SNTG1: variants seen among roughly 807,000 people sequenced by gnomAD.
SNTG1 encodes syntrophin gamma 1.
A neutral mutation model predicts 74.7 loss-of-function variants in SNTG1; 39 were observed. The ratio of observed to expected loss-of-function variants is 0.52; its 90% confidence interval spans 0.40 to 0.68. The LOEUF is 0.68. SNTG1 is among the 30% of genes least tolerant of loss of function. The pLI, the probability that SNTG1 is intolerant of heterozygous loss-of-function variation, is 0.00. For synonymous variants in SNTG1, 254 were observed against 217.1 expected, an observed-to-expected ratio of 1.17 and a Z score of -1.49; for missense variants, 685 against 609.5, an observed-to-expected ratio of 1.12 and a Z score of -1.30.
Position 50,748,305 on chromosome 8 carries a change from A to G in SNTG1, c.1285-3696A>G, listed in dbSNP as rs181544423. On this transcript the variant is annotated intron_variant, in intron 17 of 18. Transcript: ENST00000642720. Reference sequence around the variant, plus strand: ...CATTTTCTCAGTGTCAGTGTGAGATAATCTTGGAGAACAGGCATTTTACCA... The same window carrying G: ...CATTTTCTCAGTGTCAGTGTGAGATGATCTTGGAGAACAGGCATTTTACCA... Among the ~76,000 whole-genome samples the G allele has an allele frequency of 9.0e-4, 137 of 152,144 alleles. 2 individuals are homozygous for G. Among genetic ancestry groups the G allele is most frequent in the Middle Eastern group, 6.8e-3 (2 of 294 alleles).
At chr8:49,943,941 A>G (rs1048876600) in intron 1 of SNTG1, among the ~76,000 whole-genome samples, 2 of 152,240 alleles carry the variant, frequency 1.3e-5, no homozygotes, top group African/African-American at 2.4e-5. Flanking sequence ...ATATTAAAGC[A>G]GGAAAATTTA....
intron 2 of SNTG1, among the ~76,000 whole-genome samples, chr8:50,298,818 G>A (rs528328483): frequency 6.6e-6 from 1 of 152,184 alleles, no homozygotes; most frequent in South Asian, 2.1e-4. Flanking sequence ...TCAGGCTAGG[G>A]TTTCTAGCAT....
At position 50,252,472 on chromosome 8, in the gene SNTG1, A is replaced by AG. The variant is rs531168053; in HGVS notation, c.-28+79838dup. 6.4e-3 allele frequency among the ~76,000 whole-genome samples: 977 copies of AG among 152,312 alleles called. 10 individuals are homozygous for AG. Among genetic ancestry groups the AG allele is most frequent in the Middle Eastern group, 0.01 (3 of 294 alleles). ...AACAAACTCTTGGTTAGATTAACTGAGAAAAAAAGAGAAAAAACCCAAATA... is the reference window on the plus strand; with the variant it reads ...AACAAACTCTTGGTTAGATTAACTGAGGAAAAAAAGAGAAAAAACCCAAATA... On this transcript the variant is annotated intron_variant, in intron 2 of 18. Coordinates refer to ENST00000642720, the MANE Select transcript of SNTG1 (RefSeq NM_018967.5).
chr8:50,499,072 T>C (rs2093928715), intron 8 of SNTG1, among the ~76,000 whole-genome samples: 1 of 151,804 alleles, frequency 6.6e-6, no homozygotes, highest in South Asian at 2.1e-4. Context: ...TTGCTTTGAT[T>C]TTCCAAAGGT....
chr8:50,063,849 C>T (rs1007826709), intron 1 of SNTG1, among the ~76,000 whole-genome samples: 3 of 152,012 alleles, frequency 2.0e-5, no homozygotes, highest in Non-Finnish European at 4.4e-5. Context: ...AAATATATGC[C>T]AAAGTTGTTA....
intron 1 of SNTG1, among the ~76,000 whole-genome samples, chr8:50,093,989 T>C (rs1441917291): frequency 6.6e-6 from 1 of 152,148 alleles, no homozygotes; most frequent in Non-Finnish European, 1.5e-5. Context: ...GGAAAAGCCA[T>C]CTGTCTATGT....
At chr8:49,964,312 G>A (rs1315151498) in intron 1 of SNTG1, among the ~76,000 whole-genome samples, 1 of 152,190 alleles carries the variant, frequency 6.6e-6, no homozygotes, top group Non-Finnish European at 1.5e-5. Flanking sequence ...TTGAGCTGCA[G>A]TGTCATCTCT....
chr8:50,244,155 G>T (rs2086287609), intron 2 of SNTG1, among the ~76,000 whole-genome samples: 1 of 152,030 alleles, frequency 6.6e-6, no homozygotes, highest in Non-Finnish European at 1.5e-5. Context: ...AGAGAGTAGT[G>T]GGAAGGGGAG....
At chr8:50,073,704 T>C (rs867082908) in intron 1 of SNTG1, among the ~76,000 whole-genome samples, 2 of 152,094 alleles carry the variant, frequency 1.3e-5, no homozygotes, top group Admixed American at 6.6e-5. Flanking sequence ...GGATGTTGTG[T>C]TAACAGGTAT....
intron 4 of SNTG1, among the ~76,000 whole-genome samples, chr8:50,422,426 C>T (rs2093103484): frequency 6.6e-6 from 1 of 152,044 alleles, no homozygotes; most frequent in Non-Finnish European, 1.5e-5. Context: ...TTTTAAAATA[C>T]CAAAGAACAT....
chr8:50,683,102 T>C (rs995990616), intron 15 of SNTG1, among the ~76,000 whole-genome samples: 1 of 152,142 alleles, frequency 6.6e-6, no homozygotes, highest in Non-Finnish European at 1.5e-5. Flanking sequence ...GGGAGAGATG[T>C]CATCTGTTTT....
At chr8:50,635,027 T>C (rs1464070126) in intron 13 of SNTG1, among the ~76,000 whole-genome samples, 1 of 152,118 alleles carries the variant, frequency 6.6e-6, no homozygotes, top group African/African-American at 2.4e-5. Flanking sequence ...TTCATGCTCC[T>C]CCCAAATGTA....
intron 1 of SNTG1, among the ~76,000 whole-genome samples, chr8:49,932,290 T>C (rs1449117817): frequency 6.6e-6 from 1 of 152,162 alleles, no homozygotes; most frequent in African/African-American, 2.4e-5. Context: ...AGAAAATTAA[T>C]AACTTTTGCT....
intron 15 of SNTG1, among the ~76,000 whole-genome samples, chr8:50,668,492 G>A (rs529830862): frequency 3.7e-4 from 47 of 125,356 alleles, no homozygotes; most frequent in African/African-American, 1.2e-3. Context: ...TTCATCTTTC[G>A]CACATTATTA....
At chr8:50,278,607 T>G (rs1563835838) in intron 2 of SNTG1, among the ~76,000 whole-genome samples, 1 of 152,082 alleles carries the variant, frequency 6.6e-6, no homozygotes, top group Non-Finnish European at 1.5e-5. Context: ...TTTAGTATTC[T>G]CTCAATCATA....
intron 8 of SNTG1, among the ~76,000 whole-genome samples, chr8:50,501,226 G>C (rs1159067547): frequency 2.0e-5 from 3 of 151,970 alleles, no homozygotes. Context: ...GGCTGAGAAA[G>C]TGCCCGGCCT....
chr8:50,774,437 G>A (rs1484178887), intron 18 of SNTG1, among the ~76,000 whole-genome samples: 1 of 151,692 alleles, frequency 6.6e-6, no homozygotes, highest in East Asian at 1.9e-4. Flanking sequence ...AAGTTAGAAG[G>A]TAATAGAACG....
At chr8:50,182,471 A>C (rs908694015) in intron 2 of SNTG1, among the ~76,000 whole-genome samples, 17 of 152,180 alleles carry the variant, frequency 1.1e-4, no homozygotes, top group African/African-American at 3.9e-4. Context: ...TGTAATTAGT[A>C]AGCTGAAAGA....
At chr8:50,601,770 T>G (rs1342857925) in intron 13 of SNTG1, among the ~76,000 whole-genome samples, 4 of 152,132 alleles carry the variant, frequency 2.6e-5, no homozygotes, top group Admixed American at 2.6e-4. Context: ...CTTTTTTACT[T>G]TAATAATATT....
Sources: allele counts gnomAD v4.1 joint callset (sites outside exome capture counted in the v4.1 genomes callset), GRCh38; gene constraint gnomAD v4.1.1; transcripts MANE v1.5; gene names NCBI Gene and HGNC (gene_info 2026-07-23, HGNC 2026-07-21).